The following FAM184A variants were observed in gnomAD, a reference collection of about 807,000 sequenced individuals.
FAM184A encodes family with sequence similarity 184 member A.
FAM184A carries 99 observed loss-of-function variants against 143.8 expected under a neutral mutation model. The ratio of observed to expected loss-of-function variants is 0.69; its 90% CI spans 0.58 to 0.81. The LOEUF (loss-of-function observed/expected upper bound fraction) is 0.81. Ranked by LOEUF, FAM184A falls within the 40% of genes least tolerant of loss-of-function variation. FAM184A has a pLI of 0.00. For missense variants in FAM184A, 1,217 were observed against 1,310.5 expected (o/e 0.93, Z 1.10); for synonymous variants, 427 against 446.4 (o/e 0.96, Z 0.55).
At chr6:119,068,655 G>A (rs1057061772) in intron 1 of FAM184A, among the ~76,000 whole-genome samples, 5 of 152,126 alleles carry the variant, frequency 3.3e-5, no homozygotes, top group African/African-American at 4.8e-5. Context: ...TCACTGGGCC[G>A]TTTGGCTCTG....
At chr6:118,993,759 C>G (rs1272242815) in intron 9 of FAM184A, among the ~76,000 whole-genome samples, 1 of 152,204 alleles carries the variant, frequency 6.6e-6, no homozygotes, top group Non-Finnish European at 1.5e-5. Flanking sequence ...AGAAAGGCTT[C>G]TAAGAGGAAA....
chr6:118,989,255 C>A (rs1223397461), intron 9 of FAM184A, among the ~76,000 whole-genome samples: 1 of 151,624 alleles, frequency 6.6e-6, no homozygotes, highest in African/African-American at 2.4e-5. Flanking sequence ...AGCCACCGCG[C>A]CCAGCCTGGA....
intron 7 of FAM184A, 93 bp from the exon 8 acceptor site, chr6:119,003,715 T>C (rs1166514671): frequency 5.1e-5 from 64 of 1,257,386 alleles, no homozygotes; most frequent in Admixed American, 6.6e-5. Flanking sequence ...TTAAAACTTT[T>C]AATTTTAAAT....
rs949162042 is a variant in FAM184A at position 119,078,536 on chromosome 6, G to T, written c.-237C>A. 3.9e-5 allele frequency: 13 copies of T among 330,978 alleles called. No individual in the cohort carries two copies. The highest frequency in any genetic ancestry group is 2.6e-4 in the African/African-American group (12 of 46,256). 20.5% of individuals were successfully genotyped at this position (330,978 alleles called of 1,614,324 possible). On this transcript the variant is annotated 5_prime_UTR_variant, in exon 1 of 18. Coordinates refer to ENST00000338891, the MANE Select transcript of FAM184A (RefSeq NM_024581.6). The surrounding 1 kb of genome is among the most constrained non-coding windows in gnomAD (Gnocchi z 5.5). Reference sequence around the variant, plus strand: ...CAACGGCGCGGGGCAGATGCCCGGGGTTGGGCGGCGGCGGCCGGGGGCCGG... The same window carrying T: ...CAACGGCGCGGGGCAGATGCCCGGGTTTGGGCGGCGGCGGCCGGGGGCCGG...
At chr6:119,061,849 A>G (rs537132014) in intron 1 of FAM184A, among the ~76,000 whole-genome samples, 1 of 152,164 alleles carries the variant, frequency 6.6e-6, no homozygotes, top group Non-Finnish European at 1.5e-5. Context: ...ATCACTAAAC[A>G]CTATATGTAT....
At position 118,975,977 on chromosome 6, in the gene FAM184A, A is replaced by G; in HGVS notation, c.2523T>C (p.His841=). ...CCATTTTAGCAGCTGCCAATTCTTG[A>G]TGATGATTATGCCGTAACAAATCAA... ...AAIDLLRHNH[H]QELAAAKMEL... The change falls in exon 12 of 18, where the codon CAT becomes CAC. Residue 841 remains histidine (H), a synonymous_variant. Coordinates refer to ENST00000338891, the MANE Select transcript of FAM184A (RefSeq NM_024581.6). 6.2e-7 allele frequency: 1 copy of G among 1,613,576 alleles called. No individual in the cohort carries two copies.
intron 9 of FAM184A, among the ~76,000 whole-genome samples, chr6:119,000,338 A>G (rs970081723): frequency 3.9e-5 from 6 of 152,242 alleles, no homozygotes; most frequent in Non-Finnish European, 8.8e-5. Flanking sequence ...AAATGTATAC[A>G]CTGATCAACC....
intron 1 of FAM184A, among the ~76,000 whole-genome samples, chr6:119,034,074 A>T (rs1205971963): frequency 1.9e-5 from 2 of 107,486 alleles, no homozygotes; most frequent in Admixed American, 1.0e-4. Context: ...AGAGAGAGAG[A>T]GTTAAATCCA....
intron 1 of FAM184A, among the ~76,000 whole-genome samples, chr6:119,030,097 G>A (rs921987567): frequency 4.6e-5 from 7 of 152,130 alleles, no homozygotes; most frequent in Admixed American, 2.0e-4. Flanking sequence ...AACCAATTAA[G>A]AGATTCTGGA....
chr6:118,975,124 C>A lies in FAM184A; in HGVS notation c.2668G>T (p.Val890Phe), dbSNP rs769975872. The A allele has an allele frequency of 2.5e-6, 4 of 1,612,788 alleles. No homozygotes were observed. The highest frequency in any genetic ancestry group is 1.7e-4 in the Middle Eastern group (1 of 6,056). The change falls in exon 13 of 18, where the codon GTT becomes TTT. Residue 890 changes from valine (V) to phenylalanine (F), a missense_variant. Physicochemically the swap from Val to Phe is conservative, Grantham distance 50 (BLOSUM62 -1). Coordinates refer to ENST00000338891, the MANE Select transcript of FAM184A (RefSeq NM_024581.6). ...EHHISELDKEVQHLHENISAL... is the reference protein window; with the variant it reads ...EHHISELDKEFQHLHENISAL... ...CTTATATTCTCATGAAGGTGCTGAA[C>A]CTCCTTATCCAATTCAGAGATGTGA...
At chr6:118,975,810 T>G (rs1583772745) in intron 12 of FAM184A, 107 bp downstream of exon 12, 1 of 1,037,104 alleles carries the variant, frequency 9.6e-7, no homozygotes, top group East Asian at 2.6e-5. Flanking sequence ...AAATAGAATG[T>G]GATAACTAGT....
At chr6:119,093,832 G>A (rs939806780) in intron 1 of FAM184A, among the ~76,000 whole-genome samples, 1 of 152,272 alleles carries the variant, frequency 6.6e-6, no homozygotes, top group East Asian at 1.9e-4. Context: ...GAGTCCCACT[G>A]TTTCCCTATC....
upstream of FAM184A, among the ~76,000 whole-genome samples, chr6:119,081,551 T>C (rs1226805914): frequency 6.6e-6 from 1 of 152,204 alleles, no homozygotes. Context: ...ATTAGACCCC[T>C]GCCTTATCAC....
At chr6:119,104,317 C>T (rs547294271) in intron 1 of FAM184A, among the ~76,000 whole-genome samples, 1 of 152,234 alleles carries the variant, frequency 6.6e-6, no homozygotes, top group South Asian at 2.1e-4. Flanking sequence ...AACCATAGTT[C>T]TAAAAAGATG....
In FAM184A at chr6:119,003,559, T is replaced by G. The variant is rs752566195; in HGVS notation, c.1879A>C (p.Lys627Gln). The G allele has an allele frequency of 1.2e-6, 2 of 1,613,266 alleles. No individual in the cohort carries two copies. Among genetic ancestry groups the G allele is most frequent in the Admixed American group, 3.3e-5 (2 of 59,966 alleles). Residue 627 changes from lysine (K) to glutamine (Q), a missense_variant, in exon 8 of 18, where the codon AAG becomes CAG. Transcript: ENST00000338891. ...ETIAAMKEEEKLKVDKMAHDL... is the reference protein window; with the variant it reads ...ETIAAMKEEEQLKVDKMAHDL... ...TGGGCCATTTTGTCCACTTTGAGCT[T>G]CTCTTCTTCTTTCATGGCAGCAATT...
At chr6:119,015,466 C>T (rs549247111) in intron 5 of FAM184A, among the ~76,000 whole-genome samples, 13 of 152,312 alleles carry the variant, frequency 8.5e-5, no homozygotes, top group South Asian at 2.1e-4. Context: ...GCTTAGCACC[C>T]GGGCCAGCGG....
intron 2 of FAM184A, 86 bp downstream of exon 2, chr6:119,023,873 G>T: frequency 8.5e-6 from 9 of 1,060,472 alleles, no homozygotes; most frequent in South Asian, 2.2e-5. Flanking sequence ...CTGATTCTAA[G>T]TGGGCCAGAC....
At chr6:119,148,013 G>C (rs1237446594) in intron 1 of FAM184A, among the ~76,000 whole-genome samples, 1 of 152,176 alleles carries the variant, frequency 6.6e-6, no homozygotes, top group Non-Finnish European at 1.5e-5. Context: ...AGAATAAATA[G>C]CCTTTGCTTT....
intron 9 of FAM184A, among the ~76,000 whole-genome samples, chr6:118,983,305 A>G (rs1457714142): frequency 6.6e-6 from 1 of 152,230 alleles, no homozygotes. Context: ...ATTAATTTTT[A>G]TAGCTATAAT....
Sources: allele counts gnomAD v4.1 joint callset (sites outside exome capture counted in the v4.1 genomes callset), GRCh38; gene constraint gnomAD v4.1.1; non-coding constraint Gnocchi (gnomAD v3.1); transcripts MANE v1.5; gene names NCBI Gene and HGNC (gene_info 2026-07-23, HGNC 2026-07-21).